The following NPNT variants were observed in gnomAD, a reference collection of about 807,000 sequenced individuals.
NPNT encodes the protein nephronectin, also known as preosteoblast EGF-like repeat protein with MAM domain.
Under a neutral mutation model 68.6 loss-of-function variants are expected in NPNT, and 45 were observed. That is an observed-to-expected ratio of 0.66 (90% CI 0.52 to 0.84). The LOEUF (loss-of-function observed/expected upper bound fraction) is 0.84. NPNT is among the 40% of genes least tolerant of loss of function. NPNT has a pLI of 0.00. For synonymous variants in NPNT, 233 were observed against 253.3 expected, an observed-to-expected ratio of 0.92 and a Z score of 0.76; for missense variants, 672 against 714.8, an observed-to-expected ratio of 0.94 and a Z score of 0.68.
chr4:105,907,665 G>A (rs933564212), intron 2 of NPNT, among the ~76,000 whole-genome samples: 1 of 152,120 alleles, frequency 6.6e-6, no homozygotes, highest in South Asian at 2.1e-4. Context: ...CATATTGATG[G>A]TGCATCCCTG....
At chr4:105,938,035 G>A (rs955595186) in intron 4 of NPNT, among the ~76,000 whole-genome samples, 11 of 152,144 alleles carry the variant, frequency 7.2e-5, no homozygotes, top group Non-Finnish European at 1.5e-5. Context: ...TTTAGCTTGA[G>A]TAATCTGGAA....
At chr4:105,939,288 A>G (rs977956564) in intron 5 of NPNT, among the ~76,000 whole-genome samples, 2 of 152,208 alleles carry the variant, frequency 1.3e-5, no homozygotes, top group African/African-American at 4.8e-5. Context: ...ATCATTAGCC[A>G]TGTGAAGAAA....
At chr4:105,950,700 G>A (rs746176335) in intron 8 of NPNT, among the ~76,000 whole-genome samples, 7 of 152,098 alleles carry the variant, frequency 4.6e-5, no homozygotes, top group Non-Finnish European at 8.8e-5. Flanking sequence ...CGGTGAGCTG[G>A]ATGTGAACAT....
intron 2 of NPNT, among the ~76,000 whole-genome samples, chr4:105,919,615 A>G (rs907723899): frequency 2.6e-5 from 4 of 152,062 alleles, no homozygotes; most frequent in Admixed American, 2.0e-4. Flanking sequence ...CTCGACAATG[A>G]TATTTTTGAA....
In NPNT at chr4:105,897,889, T is replaced by C; in HGVS notation, c.72-12T>C. ...AGTGTCCTTATTTATTTTGAATCTTTTTTTTTGGTAGGTGGCCCAGGCAAA... is the reference window on the plus strand; with the variant it reads ...AGTGTCCTTATTTATTTTGAATCTTCTTTTTTGGTAGGTGGCCCAGGCAAA... On this transcript the variant is annotated splice_polypyrimidine_tract_variant and intron_variant, in intron 1 of 11. Transcript: ENST00000379987. 3 of 1,599,674 alleles carry C rather than the reference T, an allele frequency of 1.9e-6. No individual in the cohort carries two copies. The highest frequency in any genetic ancestry group is 1.1e-5 in the South Asian group (1 of 90,762).
intron 10 of NPNT, among the ~76,000 whole-genome samples, chr4:105,961,877 T>G (rs1200229002): frequency 6.6e-6 from 1 of 152,206 alleles, no homozygotes; most frequent in Non-Finnish European, 1.5e-5. Context: ...CAAACTACGG[T>G]TGACTCAAAT....
chr4:105,967,125 C>A, intron 10 of NPNT, 63 bp from the exon 11 acceptor site: 1 of 1,482,340 alleles, frequency 6.7e-7, no homozygotes, highest in Non-Finnish European at 9.2e-7. Context: ...AACTCCTGTC[C>A]ATGCTGCTTG....
At chr4:105,960,294 AAC>A (rs1731619721) in intron 10 of NPNT, among the ~76,000 whole-genome samples, 1 of 152,212 alleles carries the variant, frequency 6.6e-6, no homozygotes, top group Non-Finnish European at 1.5e-5. Context: ...AAGAGCACCA[AAC>A]ACAGAAAAGT....
chr4:105,935,990 T>C (rs1265556307), intron 3 of NPNT, among the ~76,000 whole-genome samples: 1 of 152,234 alleles, frequency 6.6e-6, no homozygotes, highest in African/African-American at 2.4e-5. Context: ...TGGGTACTTA[T>C]GCTGGTGGTT....
intron 8 of NPNT, among the ~76,000 whole-genome samples, chr4:105,952,475 A>T (rs1022083962): frequency 6.6e-6 from 1 of 152,194 alleles, no homozygotes; most frequent in Non-Finnish European, 1.5e-5. Context: ...ATCTGTCTAG[A>T]TGGGAAATTT....
intron 8 of NPNT, among the ~76,000 whole-genome samples, chr4:105,955,310 T>C (rs1731134447): frequency 6.6e-6 from 1 of 152,222 alleles, no homozygotes; most frequent in African/African-American, 2.4e-5. Flanking sequence ...TAGTCATTCA[T>C]TTTAATTAAC....
intron 8 of NPNT, among the ~76,000 whole-genome samples, chr4:105,945,777 A>C (rs1730335380): frequency 6.6e-6 from 1 of 152,216 alleles, no homozygotes. Context: ...GTACACACTG[A>C]AGTAGTGAAA....
Position 105,926,809 on chromosome 4 carries a change from CTTGAA to C in NPNT, c.173-521_173-517del, listed in dbSNP as rs535640559. On this transcript the variant is annotated intron_variant, in intron 2 of 11. Coordinates refer to ENST00000379987, the MANE Select transcript of NPNT (RefSeq NM_001033047.3). ...AGAAAGATCAAGATACAGAAATATC[CTTGAA>C]TTGAAGTTCCAAAACAATGTTGTTT... 1.7e-3 allele frequency among the ~76,000 whole-genome samples: 262 copies of C among 152,138 alleles called. 1 individual carries two copies. The highest frequency in any genetic ancestry group is 6.1e-3 in the African/African-American group (253 of 41,512).
chr4:105,938,337 G>T lies in NPNT; in HGVS notation c.422G>T (p.Gly141Val), dbSNP rs377713708. Reference sequence around the variant, plus strand: ...TGCTCCATGGCAAACTGTCAGTATGGCTGTGATGTTGTTAAAGGACAAATA... The same window carrying T: ...TGCTCCATGGCAAACTGTCAGTATGTCTGTGATGTTGTTAAAGGACAAATA... ...LTCSMANCQY[G>V]CDVVKGQIRC... Residue 141 changes from glycine (G) to valine (V), a missense_variant, in exon 5 of 12, where the codon GGC becomes GTC. Physicochemically the swap from Gly to Val is moderately radical, Grantham distance 109. Coordinates refer to ENST00000379987, the MANE Select transcript of NPNT (RefSeq NM_001033047.3). 41 of 1,613,710 alleles carry T rather than the reference G, an allele frequency of 2.5e-5. No homozygotes were observed. In the African/African-American group the frequency reaches 4.7e-4, roughly 18 times the overall value.
chr4:105,965,853 A>T (rs1560545985), intron 10 of NPNT, among the ~76,000 whole-genome samples: 1 of 152,148 alleles, frequency 6.6e-6, no homozygotes, highest in Non-Finnish European at 1.5e-5. Context: ...ACATCCTTAA[A>T]CACCTGCTGC....
At chr4:105,931,942 G>A (rs1192908367) in intron 3 of NPNT, among the ~76,000 whole-genome samples, 1 of 152,164 alleles carries the variant, frequency 6.6e-6, no homozygotes, top group African/African-American at 2.4e-5. Flanking sequence ...AACAGAACGT[G>A]ATTGTTAAGT....
intron 2 of NPNT, among the ~76,000 whole-genome samples, chr4:105,898,707 C>T (rs1256339000): frequency 6.6e-6 from 1 of 152,150 alleles, no homozygotes; most frequent in Non-Finnish European, 1.5e-5. Flanking sequence ...TTCACCTTTT[C>T]TGTGACCACA....
In NPNT at chr4:105,940,497, C is replaced by A. The variant is rs566789572; in HGVS notation, c.641-17C>A. ...ATCTCCTAAATAAGTCTCTTCTTTT[C>A]CTACTTTCTGATGCAGACATAGACG... On this transcript the variant is annotated splice_polypyrimidine_tract_variant and intron_variant, in intron 6 of 11. Transcript: ENST00000379987. The A allele has an allele frequency of 6.2e-7, 1 of 1,605,926 alleles. No individual in the cohort carries two copies. Among genetic ancestry groups the A allele is most frequent in the South Asian group, 1.1e-5 (1 of 89,304 alleles).
chr4:105,944,237 CCT>C (rs967880474), intron 8 of NPNT, among the ~76,000 whole-genome samples: 5 of 152,038 alleles, frequency 3.3e-5, no homozygotes, highest in African/African-American at 1.2e-4. Flanking sequence ...CTCCTCACCC[CCT>C]CTCTCCATCT....
Sources: gnomAD v4.1 joint callset for allele counts (sites outside exome capture counted in the v4.1 genomes callset) on GRCh38, gnomAD v4.1.1 for gene constraint, MANE v1.5 for transcripts, NCBI Gene and HGNC (gene_info 2026-07-23, HGNC 2026-07-21) for gene names.